Variants in CRTC3 observed in about 807,000 individuals in gnomAD.
CRTC3 encodes CREB regulated transcription coactivator 3, also known as CREB-regulated transcription coactivator 3.
Under a neutral mutation model 74.5 loss-of-function variants are expected in CRTC3, and 26 were observed. The ratio of observed to expected loss-of-function variants is 0.35; its 90% confidence interval spans 0.26 to 0.48. The LOEUF is 0.48. CRTC3 is among the 20% of genes least tolerant of loss of function. The probability of loss-of-function intolerance (pLI) is 0.99; values close to 1 mark genes in which losing one functional copy is unlikely to be tolerated. For missense variants in CRTC3, 760 were observed against 787.3 expected (o/e 0.97, Z 0.41); for synonymous variants, 377 against 325.8 (o/e 1.16, Z -1.69).
In CRTC3 at chr15:90,645,055, T is replaced by C; in HGVS notation, c.*2915T>C. The C allele has an allele frequency of 4.3e-6, 1 of 231,268 alleles. No individual in the cohort carries two copies. Among genetic ancestry groups the C allele is most frequent in the African/African-American group, 2.2e-5 (1 of 45,322 alleles). The allele number at this position is 231,268 out of a possible 1,614,324, so 14.3% of individuals were successfully genotyped here. ...TCTCCTCCGCCTGCTGTATATTACCTGAGCTGGTGTTGTATCTTCAAGTCC... is the reference window on the plus strand; with the variant it reads ...TCTCCTCCGCCTGCTGTATATTACCCGAGCTGGTGTTGTATCTTCAAGTCC... On this transcript the variant is annotated 3_prime_UTR_variant, in exon 15 of 15. Coordinates refer to ENST00000268184, the MANE Select transcript of CRTC3 (RefSeq NM_022769.5).
chr15:90,597,080 C>T (rs1186717759), intron 3 of CRTC3, among the ~76,000 whole-genome samples: 1 of 152,226 alleles, frequency 6.6e-6, no homozygotes, highest in Non-Finnish European at 1.5e-5. Flanking sequence ...GGTGGCCACA[C>T]AAGACCAAGG....
chr15:90,532,246 G>A (rs937559132), intron 1 of CRTC3, among the ~76,000 whole-genome samples: 1 of 152,146 alleles, frequency 6.6e-6, no homozygotes, highest in Non-Finnish European at 1.5e-5. Flanking sequence ...GGCTACTAAT[G>A]TTTGCTTATT....
chr15:90,618,782 G>A (rs1002308380), intron 8 of CRTC3, among the ~76,000 whole-genome samples: 1 of 152,186 alleles, frequency 6.6e-6, no homozygotes, highest in Non-Finnish European at 1.5e-5. Context: ...TGTATTTGAT[G>A]TTTAATCATT....
rs370189921 is a variant in CRTC3 at position 90,539,119 on chromosome 15, G to A, written c.133-920G>A. On this transcript the variant is annotated intron_variant, in intron 1 of 14. Coordinates refer to ENST00000268184, the MANE Select transcript of CRTC3 (RefSeq NM_022769.5). ...GGTAAAAATCTGCCCCAGGGCTCTC[G>A]TCTATAACCCTTTCTTCTCTATATG... Among the ~76,000 whole-genome samples the A allele has an allele frequency of 4.6e-5, 7 of 152,288 alleles. No homozygotes were observed. The East Asian group carries it at 7.7e-4, about 17-fold the overall frequency.
At chr15:90,571,754 T>A (rs544659173) in intron 2 of CRTC3, among the ~76,000 whole-genome samples, 2 of 152,282 alleles carry the variant, frequency 1.3e-5, no homozygotes, top group South Asian at 4.1e-4. Context: ...GCTAAGTGTT[T>A]CATCTGCACC....
In CRTC3 at chr15:90,530,967, G is replaced by C. The variant is rs559226679; in HGVS notation, c.132+764G>C. Among the ~76,000 whole-genome samples the C allele has an allele frequency of 3.2e-4, 48 of 152,200 alleles. No homozygotes were observed. The South Asian group carries it at 7.7e-3, about 24-fold the overall frequency. On this transcript the variant is annotated intron_variant, in intron 1 of 14. Coordinates refer to ENST00000268184, the MANE Select transcript of CRTC3 (RefSeq NM_022769.5). The surrounding 1 kb of genome is among the most constrained non-coding windows in gnomAD (Gnocchi z 6.2). ...AGAGCCAACCGGAGTGTCCGCGCAG[G>C]GTTGCAGAGAAGGGGGGTCAGCAGG...
intron 1 of CRTC3, chr15:90,539,656 G>T: frequency 4.0e-6 from 1 of 250,652 alleles, no homozygotes; most frequent in Non-Finnish European, 7.7e-6. Context: ...AAATGTAAAC[G>T]GAGGCTGGAA....
chr15:90,595,469 G>A (rs1967898952), intron 3 of CRTC3: 1 of 151,448 alleles, frequency 6.6e-6, no homozygotes, highest in African/African-American at 2.4e-5. Flanking sequence ...GCTGAGGCAG[G>A]AGAATGGTGT....
intron 2 of CRTC3, among the ~76,000 whole-genome samples, chr15:90,587,401 A>G (rs1484844977): frequency 6.6e-5 from 10 of 152,150 alleles, no homozygotes; most frequent in Non-Finnish European, 1.3e-4. Flanking sequence ...AGCATTAGCC[A>G]TGTCACTCCC....
At chr15:90,560,900 A>G (rs761448150) in intron 2 of CRTC3, among the ~76,000 whole-genome samples, 5 of 152,212 alleles carry the variant, frequency 3.3e-5, no homozygotes, top group Non-Finnish European at 7.3e-5. Flanking sequence ...ATACCATACA[A>G]GCCCTTTTCT....
At chr15:90,614,224 C>G (rs1350019607) in intron 6 of CRTC3, 5 of 462,440 alleles carry the variant, frequency 1.1e-5, no homozygotes, top group Non-Finnish European at 1.9e-5. Flanking sequence ...AAATTTCAGA[C>G]AGACAATTTT....
chr15:90,572,379 T>C (rs1967291368), intron 2 of CRTC3, among the ~76,000 whole-genome samples: 1 of 152,180 alleles, frequency 6.6e-6, no homozygotes, highest in Non-Finnish European at 1.5e-5. Context: ...TGTTATGATA[T>C]CGTGTTGGAT....
At chr15:90,588,557 A>G (rs1295959426) in intron 2 of CRTC3, among the ~76,000 whole-genome samples, 1 of 152,036 alleles carries the variant, frequency 6.6e-6, no homozygotes, top group Non-Finnish European at 1.5e-5. Context: ...TATGAACATC[A>G]CATTTGCTCA....
chr15:90,538,625 T>G (rs1966756456), intron 1 of CRTC3, among the ~76,000 whole-genome samples: 1 of 149,252 alleles, frequency 6.7e-6, no homozygotes, highest in Admixed American at 6.8e-5. Context: ...AGTTGGTAAT[T>G]TTTAAGCTAG....
At chr15:90,547,134 ATATT>A (rs1410143465) in intron 2 of CRTC3, among the ~76,000 whole-genome samples, 4 of 152,208 alleles carry the variant, frequency 2.6e-5, no homozygotes, top group Admixed American at 2.0e-4. Context: ...AAAATTGTAT[ATATT>A]TATGGTATAC....
intron 8 of CRTC3, 27 bp downstream of exon 8, chr15:90,617,995 T>G (rs773174310): frequency 1.4e-6 from 2 of 1,434,476 alleles, no homozygotes; most frequent in Non-Finnish European, 2.0e-6. Context: ...CAGCTATGTT[T>G]GTTGTCACTG....
At chr15:90,598,321 A>G (rs1967980847) in intron 3 of CRTC3, 1 of 658,642 alleles carries the variant, frequency 1.5e-6, no homozygotes, top group African/African-American at 1.8e-5. Flanking sequence ...TCTTGTTTTC[A>G]GCTTCTGTGG....
chr15:90,607,950 G>C (rs1968267340), intron 6 of CRTC3, among the ~76,000 whole-genome samples: 1 of 152,300 alleles, frequency 6.6e-6, no homozygotes, highest in Non-Finnish European at 1.5e-5. Flanking sequence ...TGGTGGGCCT[G>C]CTGAGACTGA....
chr15:90,638,627 T>A lies in CRTC3; in HGVS notation c.1448T>A (p.Phe483Tyr), dbSNP rs558789461. ...QAASSLPQSD[F>Y]QLLPAQGSSL... ...GCCTCCTCACTGCCACAGTCAGACT[T>A]TCAGCTTCTCCCGGCCCAGGTGAGT... Residue 483 changes from phenylalanine to tyrosine, a missense_variant, in exon 12 of 15, where the codon TTT (phenylalanine) becomes TAT (tyrosine). Transcript: ENST00000268184. The A allele has an allele frequency of 2.2e-5, 35 of 1,613,594 alleles. No individual in the cohort carries two copies. The South Asian group carries it at 3.6e-4, about 17-fold the overall frequency.
Sources: gnomAD v4.1 joint callset for allele counts (sites outside exome capture counted in the v4.1 genomes callset) on GRCh38, gnomAD v4.1.1 for gene constraint, Gnocchi (gnomAD v3.1) non-coding constraint, MANE v1.5 for transcripts, NCBI Gene and HGNC (gene_info 2026-07-23, HGNC 2026-07-21) for gene names.